F12: variants seen among roughly 807,000 people sequenced by gnomAD.
The protein encoded by F12 is Hageman factor.
A neutral mutation model predicts 74.8 loss-of-function variants in F12; 70 were observed. The ratio of observed to expected loss-of-function variants is 0.94; its 90% CI spans 0.77 to 1.14. F12 has a LOEUF of 1.14. F12 is among the 50% of genes most tolerant of loss of function. The pLI is 0.00. For missense variants in F12, 811 were observed against 835.7 expected (o/e 0.97, Z 0.36); for synonymous variants, 373 against 356.4 (o/e 1.05, Z -0.52).
intron 2 of F12, among the ~76,000 whole-genome samples, chr5:177,407,066 G>T (rs903866832): frequency 6.6e-6 from 1 of 152,220 alleles, no homozygotes; most frequent in African/African-American, 2.4e-5. Context: ...GAGAAAGCGT[G>T]TGTTAGACAC....
intron 2 of F12, among the ~76,000 whole-genome samples, chr5:177,406,973 T>G (rs1322551333): frequency 6.6e-6 from 1 of 152,202 alleles, no homozygotes; most frequent in Non-Finnish European, 1.5e-5. Flanking sequence ...GTGCTTTTGC[T>G]GGGGATTTGG....
At position 177,405,322 on chromosome 5, in the gene F12, C is replaced by T; in HGVS notation, c.397+1G>A. On this transcript the variant is annotated splice_donor_variant, in intron 5 of 13. Transcript: ENST00000253496. LOFTEE classifies it high-confidence loss of function. Reference sequence around the variant, plus strand: ...CGCCCAGGTCCTCCACATCTCCTCACCTTTCTGGCAGTGGTTTCCAGTGAG... The same window carrying T: ...CGCCCAGGTCCTCCACATCTCCTCATCTTTCTGGCAGTGGTTTCCAGTGAG... 17 of 1,614,126 alleles carry T rather than the reference C, an allele frequency of 1.1e-5. No individual in the cohort carries two copies. Among genetic ancestry groups the T allele is most frequent in the Non-Finnish European group, 1.4e-5 (17 of 1,180,004 alleles).
intron 4 of F12, 93 bp downstream of exon 4, chr5:177,405,642 C>G: frequency 7.3e-7 from 1 of 1,370,724 alleles, no homozygotes; most frequent in Non-Finnish European, 1.0e-6. Context: ...GGGCTGGGTC[C>G]AGAATCCCAG....
In F12 at chr5:177,403,511, A is replaced by T; in HGVS notation, c.1357T>A (p.Phe453Ile). 1 of 1,577,094 alleles carries T rather than the reference A, an allele frequency of 6.3e-7. No individual in the cohort carries two copies. The highest frequency in any genetic ancestry group is 8.6e-7 in the Non-Finnish European group (1 of 1,165,450). The change falls in exon 11 of 14, where the codon TTC becomes ATC. Residue 453 changes from phenylalanine (F) to isoleucine (I), a missense_variant. Coordinates refer to ENST00000253496, the MANE Select transcript of F12 (RefSeq NM_000505.4). ...TCGTGCTGGTAGCTGACGGGCGAGA[A>T]GGCCTCGTGCAAGCGGTAGGAGCGC... ...AVRSYRLHEA[F>I]SPVSYQHDLA...
rs752128618 is a variant in F12 at position 177,402,295 on chromosome 5, G to A, written c.1845C>T (p.Ser615=). ...GGAAAGATGAGTCCCTGAGCAATCAGGAAACGGTGTGCTCCCGGATCCAGG... is the reference window on the plus strand; with the variant it reads ...GGAAAGATGAGTCCCTGAGCAATCAAGAAACGGTGTGCTCCCGGATCCAGG... ...YLAWIREHTV[S] The change falls in exon 14 of 14, where the codon TCC becomes TCT. Residue 615 remains serine, a synonymous_variant. Coordinates refer to ENST00000253496, the MANE Select transcript of F12 (RefSeq NM_000505.4). 16 of 1,613,578 alleles carry A rather than the reference G, an allele frequency of 9.9e-6. No individual in the cohort carries two copies. The South Asian group carries it at 1.1e-4, about 11-fold the overall frequency.
rs556546191 is a variant in F12 at position 177,402,190 on chromosome 5, A to G, written c.*102T>C. 1.4e-6 allele frequency: 2 copies of G among 1,459,670 alleles called. No individual in the cohort carries two copies. Among genetic ancestry groups the G allele is most frequent in the Non-Finnish European group, 1.9e-6 (2 of 1,062,880 alleles). 90.4% of individuals were successfully genotyped at this position (1,459,670 alleles called of 1,614,324 possible). On this transcript the variant is annotated 3_prime_UTR_variant, in exon 14 of 14. Coordinates refer to ENST00000253496, the MANE Select transcript of F12 (RefSeq NM_000505.4). ...GAGTTCCTGCGCCATCCTGGCGCGGAGCTGGCCGCACTGGGGGAATGGGAC... is the reference window on the plus strand; with the variant it reads ...GAGTTCCTGCGCCATCCTGGCGCGGGGCTGGCCGCACTGGGGGAATGGGAC...
At position 177,403,902 on chromosome 5, in the gene F12, C is replaced by T. The variant is rs747091060; in HGVS notation, c.1207G>A (p.Ala403Thr). The change falls in exon 10 of 14, where the codon GCC (alanine) becomes ACC (threonine). Residue 403 changes from alanine (A) to threonine (T), a missense_variant. Physicochemically the swap from Ala to Thr is moderately conservative, Grantham distance 58 (BLOSUM62 0). Transcript: ENST00000253496. The stretch of plus-strand genomic sequence containing the variant: ...GCGGCCGTCAGCACCCAGCAGGGGG[C>T]GATGAGGCTGCCGGCGCAGAAACTG... ...GHSFCAGSLIAPCWVLTAAHC... is the reference protein window; with the variant it reads ...GHSFCAGSLITPCWVLTAAHC... The T allele has an allele frequency of 1.5e-5, 24 of 1,581,776 alleles. No homozygotes were observed. The highest frequency in any genetic ancestry group is 3.5e-5 in the Admixed American group (2 of 56,690).
chr5:177,409,171 C>A, intron 1 of F12, 68 bp from the exon 2 acceptor site: 1 of 1,461,514 alleles, frequency 6.8e-7, no homozygotes, highest in South Asian at 1.2e-5. Context: ...TGTTGCTAGT[C>A]TGCAGCTTCC....
Position 177,402,472 on chromosome 5 carries a change from C to A in F12, c.1681-13G>T. 1.2e-6 allele frequency: 2 copies of A among 1,601,816 alleles called. No homozygotes were observed. Among genetic ancestry groups the A allele is most frequent in the Non-Finnish European group, 1.7e-6 (2 of 1,174,652 alleles). On this transcript the variant is annotated splice_polypyrimidine_tract_variant and intron_variant, in intron 13 of 13. Transcript: ENST00000253496. Reference sequence around the variant, plus strand: ...CTCCGGAATCACCCTGGGTCGGAAACACGCAGCTCAGCGCTGTGGACCTGA... The same window carrying A: ...CTCCGGAATCACCCTGGGTCGGAAAAACGCAGCTCAGCGCTGTGGACCTGA...
At chr5:177,402,965 C>T in intron 12 of F12, 1 of 673,896 alleles carries the variant, frequency 1.5e-6, no homozygotes, top group Non-Finnish European at 2.5e-6. Context: ...CCCACACTAG[C>T]CCGGAGCGCG....
In F12 at chr5:177,402,616, G is replaced by C. The variant is rs1034046899; in HGVS notation, c.1614C>G (p.His538Gln). ...SLERCSAPDVHGSSILPGMLC... is the reference protein window; with the variant it reads ...SLERCSAPDVQGSSILPGMLC... Reference sequence around the variant, plus strand: ...GCATGCCGGGGAGGATGGAGGATCCGTGCACGTCCGGGGCTGAGCAGCGCT... The same window carrying C: ...GCATGCCGGGGAGGATGGAGGATCCCTGCACGTCCGGGGCTGAGCAGCGCT... Residue 538 changes from histidine (H) to glutamine (Q), a missense_variant, in exon 13 of 14, where the codon CAC becomes CAG. Transcript: ENST00000253496. The C allele has an allele frequency of 5.0e-6, 8 of 1,613,190 alleles. No homozygotes were observed. The highest frequency in any genetic ancestry group is 6.8e-6 in the Non-Finnish European group (8 of 1,180,000).
Position 177,403,597 on chromosome 5 carries a change from G to T in F12, c.1271C>A (p.Thr424Lys). The T allele has an allele frequency of 6.2e-7, 1 of 1,605,770 alleles. No homozygotes were observed. The change falls in exon 11 of 14, where the codon ACG (threonine) becomes AAG (lysine). Residue 424 changes from threonine (T) to lysine (K), a missense_variant. Transcript: ENST00000253496. ...ACGGCGTTCCTGGCCGAGCACCACC[G>T]TCAGATCCTCGGGTGCGGGCCTGCG... ...LQDRPAPEDL[T>K]VVLGQERRNH...
At chr5:177,406,677 C>A (rs2127361525) in intron 2 of F12, among the ~76,000 whole-genome samples, 1 of 152,264 alleles carries the variant, frequency 6.6e-6, no homozygotes, top group East Asian at 1.9e-4. Context: ...CTGATCTGAG[C>A]CTTGGTTTCC....
In F12 at chr5:177,404,278, A is replaced by G. The variant is rs1763226162; in HGVS notation, c.936T>C (p.His312=). ...CCGGCTGCGCGGGCATGAGTGGGAC[A>G]TGAAGCCTAGGGGACACCGGGGTCG... ...APPTPVSPRL[H]VPLMPAQPAP... Residue 312 remains histidine, a synonymous_variant, in exon 9 of 14, where the codon CAT becomes CAC. Coordinates refer to ENST00000253496, the MANE Select transcript of F12 (RefSeq NM_000505.4). 1.3e-6 allele frequency: 2 copies of G among 1,598,034 alleles called. No homozygotes were observed. The highest frequency in any genetic ancestry group is 1.7e-5 in the Admixed American group (1 of 58,558).
Position 177,405,170 on chromosome 5 carries a change from G to T in F12, c.413C>A (p.Pro138His). 3.7e-6 allele frequency: 6 copies of T among 1,613,990 alleles called. No individual in the cohort carries two copies. The African/African-American group carries it at 4.0e-5, about 11-fold the overall frequency. Residue 138 changes from proline (P) to histidine (H), a missense_variant, in exon 6 of 14, where the codon CCT becomes CAT. By Grantham distance (77) the Pro-to-His change is moderately conservative. Coordinates refer to ENST00000253496, the MANE Select transcript of F12 (RefSeq NM_000505.4). The stretch of plus-strand genomic sequence containing the variant: ...CTTGTGGAAAAACCGGAGAAGCTGA[G>T]GCTCAAAGCACTTCTCTGGGGACAA... ...NHCQKEKCFE[P>H]QLLRFFHKNE...
intron 10 of F12, 100 bp downstream of exon 10, chr5:177,403,759 G>C: frequency 6.9e-7 from 1 of 1,458,776 alleles, no homozygotes; most frequent in Middle Eastern, 2.5e-4. Context: ...AGGGTGGGGC[G>C]GGAGAAGGTA....
At position 177,402,245 on chromosome 5, in the gene F12, C is replaced by G. The variant is rs954945859; in HGVS notation, c.*47G>C. The G allele has an allele frequency of 6.2e-7, 1 of 1,608,406 alleles. No individual in the cohort carries two copies. Among genetic ancestry groups the G allele is most frequent in the Non-Finnish European group, 8.5e-7 (1 of 1,177,670 alleles). On this transcript the variant is annotated 3_prime_UTR_variant, in exon 14 of 14. Coordinates refer to ENST00000253496, the MANE Select transcript of F12 (RefSeq NM_000505.4). The stretch of plus-strand genomic sequence containing the variant: ...TCTTGCCTTCCATGCCCCAGCCACT[C>G]TCTCACTGCGGAATCACCAAGGAGG...
chr5:177,403,741 T>C, intron 10 of F12, 118 bp downstream of exon 10: 1 of 1,477,868 alleles, frequency 6.8e-7, no homozygotes, highest in Non-Finnish European at 9.0e-7. Context: ...CGGAGGGGCG[T>C]GGAAAGAAGG....
rs748366764 is a variant in F12 at position 177,404,899 on chromosome 5, G to C, written c.545C>G (p.Pro182Arg). ...RLASQACRTNPCLHGGRCLEV... is the reference protein window; with the variant it reads ...RLASQACRTNRCLHGGRCLEV... The stretch of plus-strand genomic sequence containing the variant: ...TAGGCAGCGACCCCCATGGAGGCAC[G>C]GGTTGGTGCGGCAGGCTTGGGGAGG... The change falls in exon 7 of 14, where the codon CCG (proline) becomes CGG (arginine). Residue 182 changes from proline to arginine, a missense_variant. By Grantham distance (103) the Pro-to-Arg change is moderately radical. Coordinates refer to ENST00000253496, the MANE Select transcript of F12 (RefSeq NM_000505.4). The C allele has an allele frequency of 6.2e-7, 1 of 1,605,432 alleles. No individual in the cohort carries two copies. The highest frequency in any genetic ancestry group is 8.5e-7 in the Non-Finnish European group (1 of 1,177,720).
Sources: gnomAD v4.1 joint callset for allele counts (sites outside exome capture counted in the v4.1 genomes callset) on GRCh38, gnomAD v4.1.1 for gene constraint, MANE v1.5 for transcripts, NCBI Gene and HGNC (gene_info 2026-07-23, HGNC 2026-07-21) for gene names.